Variants in ADGRL3 observed in about 807,000 individuals in gnomAD.
ADGRL3 encodes the protein adhesion G protein-coupled receptor L3.
In ADGRL3, 62 loss-of-function variants were observed where a neutral mutation model predicts 153.5. The observed-to-expected ratio is 0.40, with a 90% confidence interval of 0.33 to 0.50. ADGRL3 has a LOEUF of 0.50. Ranked by LOEUF, ADGRL3 falls within the 20% of genes least tolerant of loss-of-function variation. The pLI, the probability that ADGRL3 is intolerant of heterozygous loss-of-function variation, is 0.47. For synonymous variants in ADGRL3, 710 were observed against 672.5 expected (o/e 1.06, Z -0.86); for missense variants, 1,641 against 1,859.4 (o/e 0.88, Z 2.16).
At chr4:61,375,932 C>T (rs11931307) in intron 1 of ADGRL3, among the ~76,000 whole-genome samples, 34,197 of 151,940 alleles carry the variant, frequency 0.23, 4,214 homozygotes, top group Admixed American at 0.27. Flanking sequence ...CACATGTTTT[C>T]TTTCCTGAAT....
intron 23 of ADGRL3, among the ~76,000 whole-genome samples, chr4:62,035,904 T>A (rs1724725230): frequency 6.6e-6 from 1 of 152,016 alleles, no homozygotes; most frequent in Non-Finnish European, 1.5e-5. Context: ...ATTTTCAGAG[T>A]CATTTTGAGG....
chr4:61,743,922 G>A (rs577740632), intron 8 of ADGRL3, among the ~76,000 whole-genome samples: 10 of 152,308 alleles, frequency 6.6e-5, no homozygotes, highest in African/African-American at 1.7e-4. Flanking sequence ...TGCCTCACTC[G>A]GGAAGTGCAA....
intron 2 of ADGRL3, among the ~76,000 whole-genome samples, chr4:61,386,711 A>T (rs1466985237): frequency 2.0e-5 from 3 of 152,304 alleles, no homozygotes; most frequent in Admixed American, 6.5e-5. Flanking sequence ...GTATTACTTT[A>T]TCAGCAAATA....
At chr4:61,300,194 A>G (rs367910729) in intron 1 of ADGRL3, among the ~76,000 whole-genome samples, 2 of 152,192 alleles carry the variant, frequency 1.3e-5, no homozygotes, top group Non-Finnish European at 1.5e-5. Context: ...TACTGGTATC[A>G]TGGCCTTCAT....
intron 17 of ADGRL3, among the ~76,000 whole-genome samples, chr4:61,968,519 A>G (rs964763890): frequency 6.6e-6 from 1 of 152,220 alleles, no homozygotes; most frequent in African/African-American, 2.4e-5. Context: ...ATAATTTTAC[A>G]GAAGGCCAAT....
intron 2 of ADGRL3, among the ~76,000 whole-genome samples, chr4:61,410,096 G>A (rs2097065645): frequency 6.6e-6 from 1 of 151,888 alleles, no homozygotes; most frequent in African/African-American, 2.4e-5. Context: ...GTTAAATTGT[G>A]AAAGTTTTTT....
intron 5 of ADGRL3, among the ~76,000 whole-genome samples, chr4:61,594,060 CTGTT>C (rs1457339356): frequency 2.0e-5 from 3 of 152,090 alleles, no homozygotes; most frequent in Non-Finnish European, 2.9e-5. Context: ...AATTCTTTCT[CTGTT>C]TGATCAATTC....
At chr4:61,399,631 A>G (rs1448956124) in intron 2 of ADGRL3, among the ~76,000 whole-genome samples, 1 of 151,700 alleles carries the variant, frequency 6.6e-6, no homozygotes, top group African/African-American at 2.4e-5. Context: ...TTAAATCAAC[A>G]TCTAAAACTG....
At chr4:61,498,946 T>A (rs1250984994) in intron 3 of ADGRL3, among the ~76,000 whole-genome samples, 1 of 152,204 alleles carries the variant, frequency 6.6e-6, no homozygotes, top group Non-Finnish European at 1.5e-5. Flanking sequence ...CTCTCATATG[T>A]TGATGATAAT....
intron 17 of ADGRL3, among the ~76,000 whole-genome samples, chr4:61,955,204 A>C: frequency 6.6e-6 from 1 of 152,212 alleles, no homozygotes; most frequent in Admixed American, 6.5e-5. Context: ...GGTCTGAATA[A>C]GAAAATACTG....
chr4:61,411,380 C>G (rs2097085580), intron 2 of ADGRL3, among the ~76,000 whole-genome samples: 1 of 152,128 alleles, frequency 6.6e-6, no homozygotes, highest in South Asian at 2.1e-4. Context: ...AGGAATACTA[C>G]AGAAATGATG....
At chr4:61,661,827 A>G (rs1212811991) in intron 5 of ADGRL3, among the ~76,000 whole-genome samples, 2 of 152,214 alleles carry the variant, frequency 1.3e-5, no homozygotes, top group African/African-American at 2.4e-5. Context: ...TGGGATCAAT[A>G]TTAAAAAAGT....
intron 9 of ADGRL3, among the ~76,000 whole-genome samples, chr4:61,825,015 G>A (rs555969063): frequency 6.6e-6 from 1 of 152,216 alleles, no homozygotes; most frequent in African/African-American, 2.4e-5. Context: ...ATGCTTCTTA[G>A]CATCGACACT....
At chr4:61,583,635 C>G (rs1405930925) in intron 4 of ADGRL3, 1 of 516,642 alleles carries the variant, frequency 1.9e-6, no homozygotes, top group South Asian at 1.4e-5. Flanking sequence ...TTCTGAGGTT[C>G]TGACATCTTT....
intron 17 of ADGRL3, among the ~76,000 whole-genome samples, chr4:61,962,599 G>A (rs1408874827): frequency 6.6e-6 from 1 of 152,016 alleles, no homozygotes; most frequent in Non-Finnish European, 1.5e-5. Context: ...TTTCCCTCAT[G>A]ATTAGATTTG....
At chr4:61,488,040 T>C (rs2098216620) in intron 2 of ADGRL3, among the ~76,000 whole-genome samples, 1 of 152,056 alleles carries the variant, frequency 6.6e-6, no homozygotes. Flanking sequence ...AGATGTTAAC[T>C]CAAGGGCACT....
intron 4 of ADGRL3, among the ~76,000 whole-genome samples, chr4:61,559,224 A>G (rs2148942687): frequency 6.6e-6 from 1 of 152,152 alleles, no homozygotes; most frequent in Non-Finnish European, 1.5e-5. Context: ...CACGACCACC[A>G]CCCAAACCAT....
chr4:61,273,046 T>C (rs995818948), intron 1 of ADGRL3, among the ~76,000 whole-genome samples: 4 of 152,188 alleles, frequency 2.6e-5, no homozygotes, highest in Non-Finnish European at 5.9e-5. Flanking sequence ...GGGATGATGA[T>C]AAAACCTAGG....
rs1471042909 is a variant in ADGRL3 at position 61,730,665 on chromosome 4, A to G, written c.598+29A>G. ...ATTAAATACCTTTCATAAATTATAT[A>G]CTATTTATAGGCTAAGTTATTTAAC... is the stretch of plus-strand genomic sequence containing the variant. On this transcript the variant is annotated intron_variant, in intron 7 of 26. Transcript: ENST00000683033. The G allele has an allele frequency of 9.6e-6, 5 of 519,264 alleles. No individual in the cohort carries two copies. The Admixed American group carries it at 1.2e-4, about 13-fold the overall frequency. 32.2% of individuals were successfully genotyped at this position (519,264 alleles called of 1,614,324 possible). A position where few individuals can be genotyped will look rare whatever the true frequency, so the allele number is the denominator to read the frequency against.
Sources: allele counts gnomAD v4.1 joint callset (sites outside exome capture counted in the v4.1 genomes callset), GRCh38; gene constraint gnomAD v4.1.1; transcripts MANE v1.5; gene names NCBI Gene and HGNC (gene_info 2026-07-23, HGNC 2026-07-21).